Variants in ZNRF3 observed in about 807,000 individuals in gnomAD.
The protein encoded by ZNRF3 is zinc and ring finger 3, also known as E3 ubiquitin-protein ligase ZNRF3.
ZNRF3 carries 23 observed loss-of-function variants against 72.5 expected under a neutral mutation model. The observed-to-expected ratio is 0.32, with a 90% CI of 0.23 to 0.45. The LOEUF is 0.45. Among genes scored for constraint, ZNRF3 ranks in the 20% least tolerant of loss-of-function variants. The pLI is 1.00. For synonymous variants in ZNRF3, 610 were observed against 545.3 expected (o/e 1.12, Z -1.65); for missense variants, 1,169 against 1,272.1 (o/e 0.92, Z 1.23).
At chr22:28,886,879 C>T (rs2033798100) in intron 1 of ZNRF3, among the ~76,000 whole-genome samples, 2 of 152,068 alleles carry the variant, frequency 1.3e-5, no homozygotes, top group South Asian at 4.1e-4. Flanking sequence ...TTGCTTGAGC[C>T]TGGGAGGCTG....
chr22:28,897,837 A>G (rs2034027841), intron 1 of ZNRF3, among the ~76,000 whole-genome samples: 1 of 152,208 alleles, frequency 6.6e-6, no homozygotes, highest in East Asian at 1.9e-4. Context: ...TAAAACATGT[A>G]AATTATTTAC....
At chr22:28,914,814 C>CAAAAA (rs567975458) in intron 1 of ZNRF3, among the ~76,000 whole-genome samples, 1 of 69,316 alleles carries the variant, frequency 1.4e-5, no homozygotes, top group South Asian at 4.3e-4. Context: ...AACTCCGTCT[C>CAAAAA]AAAAAAAAAA....
Position 29,050,707 on chromosome 22 carries a change from GC to G in ZNRF3, c.2529del (p.Ser844ArgfsTer112), listed in dbSNP as rs943517891. ...AGGATGTGGACTGTGATCTGGGCCT[GC>G]CCTCGGACTGCCAAGGGACCCACAG... ...PEDVDCDLGL[P>X]SDCQGTHSLG... On this transcript the variant is annotated frameshift_variant, in exon 8 of 9. Coordinates refer to ENST00000544604, the MANE Select transcript of ZNRF3 (RefSeq NM_001206998.2). LOFTEE classifies it high-confidence loss of function. The G allele has an allele frequency of 1.4e-5, 22 of 1,611,658 alleles. 1 individual carries two copies.
chr22:28,971,138 A>G (rs1355712598), intron 1 of ZNRF3, among the ~76,000 whole-genome samples: 3 of 152,134 alleles, frequency 2.0e-5, no homozygotes, highest in Non-Finnish European at 4.4e-5. Context: ...GCAGTGAGCT[A>G]TGATGGTGCC....
intron 2 of ZNRF3, chr22:29,031,551 AC>A (rs2036757212): frequency 2.0e-6 from 2 of 984,046 alleles, no homozygotes; most frequent in Non-Finnish European, 1.2e-6. Context: ...ACAGCAGCTG[AC>A]CAGAATGTTC....
chr22:29,019,181 C>A (rs56061941), intron 2 of ZNRF3, among the ~76,000 whole-genome samples: 6,426 of 152,122 alleles, frequency 0.042, 260 homozygotes, highest in African/African-American at 0.1. Context: ...CAAGCTTCTG[C>A]TGGCATTGTA....
At chr22:29,037,550 G>A (rs2036888485) in intron 2 of ZNRF3, among the ~76,000 whole-genome samples, 1 of 152,156 alleles carries the variant, frequency 6.6e-6, no homozygotes, top group South Asian at 2.1e-4. Context: ...AATAACCATA[G>A]GAGTGGTAAG....
intron 2 of ZNRF3, among the ~76,000 whole-genome samples, chr22:28,987,676 T>C (rs2035880559): frequency 6.6e-6 from 1 of 151,814 alleles, no homozygotes. Context: ...TAGCAAACCA[T>C]AGAGATCTTC....
Position 28,883,658 on chromosome 22 carries a change from C to T in ZNRF3, c.-109C>T, listed in dbSNP as rs2033708031. 2.1e-6 allele frequency: 2 copies of T among 971,226 alleles called. No homozygotes were observed. The highest frequency in any genetic ancestry group is 2.4e-6 in the Non-Finnish European group (2 of 816,634). The allele number at this position is 971,226 out of a possible 1,614,324, so 60.2% of individuals were successfully genotyped here. A position where few individuals can be genotyped will look rare whatever the true frequency, so the allele number is the denominator to read the frequency against. On this transcript the variant is annotated 5_prime_UTR_variant, in exon 1 of 9. Transcript: ENST00000544604. This position sits in a 1 kb window ranked among gnomAD's most constrained non-coding sequence, Gnocchi z 5.5. ...GAGCCTGCGACCCACAAAGCCGCCG[C>T]CGCCGCCGCCGTGATGGGGCTGTGA...
intron 1 of ZNRF3, among the ~76,000 whole-genome samples, chr22:28,897,332 G>A (rs2034016643): frequency 1.2e-4 from 18 of 151,956 alleles, no homozygotes. Context: ...TAGGGGGATC[G>A]GGGAGACAGA....
In ZNRF3 at chr22:29,050,310, G is replaced by A. The variant is rs2037174511; in HGVS notation, c.2129G>A (p.Cys710Tyr). Residue 710 changes from cysteine to tyrosine, a missense_variant, in exon 8 of 9, where the codon TGT becomes TAT. Cys to Tyr is a radical substitution (Grantham distance 194). Around this residue, in one of 2 missense-constraint regions of ZNRF3, gnomAD observed 783 missense variants for 731.4 expected, o/e 1.07. Transcript: ENST00000544604. ...AAGGGGGGCCACGAGTTGCCGTCGT[G>A]TGCCTGCTGCTGCGAGCCCCAGCCC... ...TWKGGHELPS[C>Y]ACCCEPQPSP... is the part of the protein sequence containing the mutation. 1 of 1,599,462 alleles carries A rather than the reference G, an allele frequency of 6.3e-7. No individual in the cohort carries two copies. Among genetic ancestry groups the A allele is most frequent in the Non-Finnish European group, 8.5e-7 (1 of 1,178,116 alleles).
intron 1 of ZNRF3, among the ~76,000 whole-genome samples, chr22:28,976,470 C>T (rs1291374492): frequency 6.6e-6 from 1 of 152,168 alleles, no homozygotes; most frequent in East Asian, 1.9e-4. Flanking sequence ...TGTGCCTCTA[C>T]ACGCCAGCCT....
intron 2 of ZNRF3, among the ~76,000 whole-genome samples, chr22:29,039,784 C>CAAAAAA (rs397976678): frequency 2.3e-5 from 2 of 85,320 alleles, no homozygotes; most frequent in African/African-American, 9.4e-5. Flanking sequence ...TCGTCTCTAC[C>CAAAAAA]AAAAAAAAAA....
At chr22:28,941,039 A>G (rs1166916928) in intron 1 of ZNRF3, among the ~76,000 whole-genome samples, 1 of 152,120 alleles carries the variant, frequency 6.6e-6, no homozygotes, top group East Asian at 1.9e-4. Context: ...GCTGTAGGAA[A>G]TCTTTCTTCA....
At chr22:29,013,965 T>A (rs924770346) in intron 2 of ZNRF3, among the ~76,000 whole-genome samples, 1 of 152,208 alleles carries the variant, frequency 6.6e-6, no homozygotes, top group Admixed American at 6.5e-5. Context: ...GGTGGTAGCC[T>A]TTCCCAGGAT....
At chr22:28,997,223 G>A (rs1342120607) in intron 2 of ZNRF3, among the ~76,000 whole-genome samples, 2 of 152,138 alleles carry the variant, frequency 1.3e-5, no homozygotes, top group Non-Finnish European at 2.9e-5. Flanking sequence ...TGAGCACGGG[G>A]CATACTGACT....
intron 1 of ZNRF3, among the ~76,000 whole-genome samples, chr22:28,913,402 C>G (rs994097729): frequency 3.3e-5 from 5 of 152,252 alleles, no homozygotes; most frequent in African/African-American, 1.2e-4. Flanking sequence ...ACTCAAGGTG[C>G]TAGGGGATAT....
chr22:29,050,069 C>G lies in ZNRF3; in HGVS notation c.1888C>G (p.Pro630Ala). ...CCTGTGCTTCGAGGGCTCCCCGCCT[C>G]CCGAGGAGCTCCCGGCGGTGCACAG... ...PALCFEGSPP[P>A]EELPAVHSHG... The change falls in exon 8 of 9, where the codon CCC becomes GCC. Residue 630 changes from proline to alanine, a missense_variant. Physicochemically the swap from Pro to Ala is conservative, Grantham distance 27. Coordinates refer to ENST00000544604, the MANE Select transcript of ZNRF3 (RefSeq NM_001206998.2). 1 of 1,607,660 alleles carries G rather than the reference C, an allele frequency of 6.2e-7. No individual in the cohort carries two copies. The highest frequency in any genetic ancestry group is 8.5e-7 in the Non-Finnish European group (1 of 1,177,614).
chr22:28,906,700 C>T (rs2034214393), intron 1 of ZNRF3, among the ~76,000 whole-genome samples: 1 of 152,204 alleles, frequency 6.6e-6, no homozygotes, highest in African/African-American at 2.4e-5. Flanking sequence ...TCAGGTAAAC[C>T]ACCTATTAGA....
Sources: gnomAD v4.1 joint callset for allele counts (sites outside exome capture counted in the v4.1 genomes callset) on GRCh38, gnomAD v4.1.1 for gene constraint, gnomAD v4.1.1 regional missense constraint, Gnocchi (gnomAD v3.1) non-coding constraint, MANE v1.5 for transcripts, NCBI Gene and HGNC (gene_info 2026-07-23, HGNC 2026-07-21) for gene names.